Variants in ZNF75D observed in about 807,000 individuals in gnomAD.
ZNF75D encodes the protein zinc finger protein 75.
A neutral mutation model predicts 33.3 loss-of-function variants in ZNF75D; 33 were observed. The observed-to-expected ratio is 0.99, with a 90% confidence interval of 0.75 to 1.32. ZNF75D has a LOEUF of 1.32. ZNF75D is among the 40% of genes most tolerant of loss of function. The pLI is 0.00. For missense variants in ZNF75D, 338 were observed against 367.5 expected, an observed-to-expected ratio of 0.92 and a Z score of 0.66; for synonymous variants, 113 against 130.6, an observed-to-expected ratio of 0.87 and a Z score of 0.92.
intron 1 of ZNF75D, among the ~76,000 whole-genome samples, chrX:135,267,699 A>G (rs782415861): frequency 1.8e-5 from 2 of 110,669 alleles, no homozygotes; most frequent in African/African-American, 6.6e-5. Flanking sequence ...AGAAGAATTA[A>G]TATCTCTTCT....
intron 1 of ZNF75D, among the ~76,000 whole-genome samples, chrX:135,311,880 G>A (rs782152148): frequency 6.9e-4 from 77 of 111,397 alleles, no homozygotes; most frequent in African/African-American, 2.5e-3. Context: ...TGATAATTTT[G>A]TACCTGTTTA....
chrX:135,332,838 G>A (rs2084666699), intron 1 of ZNF75D, among the ~76,000 whole-genome samples: 1 of 111,575 alleles, frequency 9.0e-6, no homozygotes, highest in South Asian at 3.8e-4. Context: ...CACAAACAGT[G>A]GAATGAACTC....
At chrX:135,291,647 G>C (rs149506011) in intron 4 of ZNF75D, 84 bp from the exon 5 acceptor site, 1 of 1,137,703 alleles carries the variant, frequency 8.8e-7, no homozygotes, top group Non-Finnish European at 1.2e-6. Context: ...AGAACATCAG[G>C]ATGCCTTCAG....
intron 1 of ZNF75D, among the ~76,000 whole-genome samples, chrX:135,324,799 G>GT (rs2084541068): frequency 1.8e-5 from 2 of 112,489 alleles, no homozygotes; most frequent in African/African-American, 6.5e-5. Flanking sequence ...GTTGTCTTAG[G>GT]TCTCTGAGAA....
chrX:135,264,312 C>A (rs1355833705), intron 1 of ZNF75D, among the ~76,000 whole-genome samples: 3 of 111,641 alleles, frequency 2.7e-5, no homozygotes, highest in Non-Finnish European at 5.6e-5. Context: ...ATGATCCAAT[C>A]ACCTCCCACA....
chrX:135,276,421 T>G (rs185683057), intron 1 of ZNF75D, among the ~76,000 whole-genome samples: 2 of 112,230 alleles, frequency 1.8e-5, no homozygotes, highest in Admixed American at 1.9e-4. Flanking sequence ...CACTTCGACA[T>G]ATTGATTTCA....
intron 1 of ZNF75D, among the ~76,000 whole-genome samples, chrX:135,309,883 A>G (rs1379228988): frequency 1.2e-4 from 13 of 111,643 alleles, no homozygotes; most frequent in Admixed American, 1.0e-3. Flanking sequence ...ATCCTAACGC[A>G]CAGTGCAGGG....
intron 6 of ZNF75D, among the ~76,000 whole-genome samples, chrX:135,289,627 GACACACACACACACACAC>G (rs60550937): frequency 5.1e-4 from 45 of 88,918 alleles, no homozygotes; most frequent in Admixed American, 1.0e-3. Context: ...CACACACACA[GACACACACACACACACAC>G]ACACACACAC....
intron 1 of ZNF75D, among the ~76,000 whole-genome samples, chrX:135,318,087 AT>A (rs1278807048): frequency 7.0e-4 from 67 of 95,056 alleles, no homozygotes; most frequent in East Asian, 4.6e-3. Context: ...ATATATATAT[AT>A]TTTTTTTTTT....
chrX:135,327,603 T>C (rs1191014292), intron 1 of ZNF75D, among the ~76,000 whole-genome samples: 1 of 112,115 alleles, frequency 8.9e-6, no homozygotes, highest in African/African-American at 3.2e-5. Flanking sequence ...CTTTGTAATA[T>C]CTGTTCCCTA....
chrX:135,322,105 C>T (rs1007508346), intron 1 of ZNF75D, among the ~76,000 whole-genome samples: 5 of 111,948 alleles, frequency 4.5e-5, no homozygotes, highest in Admixed American at 9.5e-5. Context: ...ACCAGCTGGT[C>T]AGGACCTCGG....
chrX:135,277,334 TTTTC>T (rs2083902937), intron 1 of ZNF75D, among the ~76,000 whole-genome samples: 9 of 111,804 alleles, frequency 8.0e-5, no homozygotes, highest in African/African-American at 2.9e-4. Flanking sequence ...TTTGATGAGG[TTTTC>T]TTTTTTTCTT....
chrX:135,297,231 C>T (rs2084143388), intron 1 of ZNF75D: 1 of 111,738 alleles, frequency 8.9e-6, no homozygotes, highest in Non-Finnish European at 1.9e-5. Flanking sequence ...TAAAAAGCAC[C>T]TGTTTGATTC....
chrX:135,329,696 AG>A (rs1402080930), intron 1 of ZNF75D, among the ~76,000 whole-genome samples: 1 of 112,500 alleles, frequency 8.9e-6, no homozygotes, highest in African/African-American at 3.2e-5. Flanking sequence ...AATGTAAGGT[AG>A]ACACAAGCTA....
At chrX:135,306,288 TACACACAC>T (rs57049630) in intron 1 of ZNF75D, among the ~76,000 whole-genome samples, 14,814 of 82,937 alleles carry the variant, frequency 0.18, 1,183 homozygotes, top group East Asian at 0.4. Context: ...CAGAGATACA[TACACACAC>T]ACACACACAC....
chrX:135,327,478 G>C (rs1323595406), intron 1 of ZNF75D, among the ~76,000 whole-genome samples: 1 of 112,222 alleles, frequency 8.9e-6, no homozygotes, highest in African/African-American at 3.2e-5. Flanking sequence ...TGAGAACCCT[G>C]TTACCATTTG....
At chrX:135,295,212 C>T (rs1310658287) in intron 2 of ZNF75D, among the ~76,000 whole-genome samples, 1 of 112,009 alleles carries the variant, frequency 8.9e-6, no homozygotes, top group Non-Finnish European at 1.9e-5. Context: ...AAATGGTTGG[C>T]TCCTTGCTGA....
intron 1 of ZNF75D, among the ~76,000 whole-genome samples, chrX:135,265,526 C>A (rs1177548510): frequency 3.6e-5 from 4 of 111,817 alleles, no homozygotes; most frequent in Non-Finnish European, 7.5e-5. Context: ...TCGATGGAAA[C>A]CTTATAGGCC....
chrX:135,299,596 C>A (rs1402514831), intron 1 of ZNF75D, among the ~76,000 whole-genome samples: 1 of 112,055 alleles, frequency 8.9e-6, no homozygotes, highest in East Asian at 2.8e-4. Context: ...TTGATGGTGT[C>A]CTCTGCTGCA....
Sources: gnomAD v4.1 joint callset for allele counts (sites outside exome capture counted in the v4.1 genomes callset) on GRCh38, gnomAD v4.1.1 for gene constraint, MANE v1.5 for transcripts, NCBI Gene and HGNC (gene_info 2026-07-23, HGNC 2026-07-21) for gene names.